The following KCNIP4 variants were observed in gnomAD, a reference collection of about 807,000 sequenced individuals.
KCNIP4 encodes the protein potassium voltage-gated channel interacting protein 4, also known as Kv channel-interacting protein 4.
In KCNIP4, 12 loss-of-function variants were observed where a neutral mutation model predicts 34.0. That is an observed-to-expected ratio of 0.35 (90% CI 0.23 to 0.57). KCNIP4 has a LOEUF of 0.57. Ranked by LOEUF, KCNIP4 falls within the 20% of genes least tolerant of loss-of-function variation. The probability of loss-of-function intolerance (pLI) is 0.83; values close to 1 mark genes in which losing one functional copy is unlikely to be tolerated. For missense variants in KCNIP4, 238 were observed against 311.7 expected (o/e 0.76, Z 1.78); for synonymous variants, 124 against 102.2 (o/e 1.21, Z -1.29).
chr4:21,579,894 T>G (rs1167034589), intron 1 of KCNIP4, among the ~76,000 whole-genome samples: 4 of 152,142 alleles, frequency 2.6e-5, no homozygotes, highest in African/African-American at 9.7e-5. Flanking sequence ...TTTAGCTGAT[T>G]TGGATGCTTT....
intron 1 of KCNIP4, among the ~76,000 whole-genome samples, chr4:21,685,349 G>T (rs973908323): frequency 4.6e-5 from 7 of 152,130 alleles, no homozygotes; most frequent in African/African-American, 1.7e-4. Context: ...CTTGAATTGG[G>T]ATCACTTTAT....
chr4:21,659,103 T>G (rs1748217143), intron 1 of KCNIP4, among the ~76,000 whole-genome samples: 1 of 152,224 alleles, frequency 6.6e-6, no homozygotes. Context: ...GTGCATTTTA[T>G]GGTGTGATAT....
chr4:21,308,380 T>C (rs559779572), intron 1 of KCNIP4, among the ~76,000 whole-genome samples: 1 of 152,320 alleles, frequency 6.6e-6, no homozygotes, highest in African/African-American at 2.4e-5. Flanking sequence ...GCCTAACACA[T>C]AGAATCTTCC....
chr4:21,748,806 T>A (rs1286853465), intron 1 of KCNIP4, among the ~76,000 whole-genome samples: 2 of 152,064 alleles, frequency 1.3e-5, no homozygotes, highest in Non-Finnish European at 1.5e-5. Context: ...TGTTTCTGAT[T>A]GAAAAAAATA....
chr4:20,988,378 T>C lies in KCNIP4; in HGVS notation c.62-105669A>G, dbSNP rs372198260. 4.6e-5 allele frequency among the ~76,000 whole-genome samples: 7 copies of C among 152,336 alleles called. No homozygotes were observed. In the South Asian group the frequency reaches 1.2e-3, roughly 27 times the overall value. ...CAGTCTGTGAAAGAGAGAGGGTCAGTAGACTTTACATTTCCTTGCCCCAAT... is the reference window on the plus strand; with the variant it reads ...CAGTCTGTGAAAGAGAGAGGGTCAGCAGACTTTACATTTCCTTGCCCCAAT... On this transcript the variant is annotated intron_variant, in intron 1 of 8. Coordinates refer to ENST00000382152, the MANE Select transcript of KCNIP4 (RefSeq NM_025221.6).
chr4:21,827,388 G>C (rs576629081), intron 1 of KCNIP4, among the ~76,000 whole-genome samples: 69 of 151,968 alleles, frequency 4.5e-4, no homozygotes, highest in Non-Finnish European at 7.2e-4. Context: ...TACTTCTTGA[G>C]AAATTTCAGT....
intron 1 of KCNIP4, among the ~76,000 whole-genome samples, chr4:21,522,211 AT>A (rs959105738): frequency 6.6e-6 from 1 of 152,080 alleles, no homozygotes; most frequent in African/African-American, 2.4e-5. Context: ...GAGGAGATTC[AT>A]TTAACACTTC....
intron 1 of KCNIP4, among the ~76,000 whole-genome samples, chr4:21,625,419 A>T (rs1390353638): frequency 6.6e-6 from 1 of 152,042 alleles, no homozygotes; most frequent in African/African-American, 2.4e-5. Flanking sequence ...TTGTTATCCT[A>T]ATTGGGGAGT....
At chr4:21,643,470 G>T (rs1478004063) in intron 1 of KCNIP4, among the ~76,000 whole-genome samples, 1 of 152,016 alleles carries the variant, frequency 6.6e-6, no homozygotes, top group African/African-American at 2.4e-5. Context: ...TGAGTGCCAG[G>T]TTTACAAAAA....
At chr4:20,938,438 A>G (rs958620854) in intron 1 of KCNIP4, among the ~76,000 whole-genome samples, 1 of 152,190 alleles carries the variant, frequency 6.6e-6, no homozygotes, top group Non-Finnish European at 1.5e-5. Context: ...ACCAGTCTCC[A>G]TCACTGCTCT....
chr4:21,564,152 C>A (rs181409042), intron 1 of KCNIP4, among the ~76,000 whole-genome samples: 43 of 152,194 alleles, frequency 2.8e-4, no homozygotes, highest in African/African-American at 9.9e-4. Flanking sequence ...CTCTATTATT[C>A]TCTTGTAAAA....
chr4:20,740,208 A>G (rs1042083806), intron 5 of KCNIP4, among the ~76,000 whole-genome samples: 17 of 152,164 alleles, frequency 1.1e-4, no homozygotes, highest in African/African-American at 4.1e-4. Flanking sequence ...AGTCAGGCCA[A>G]CATTCAAATT....
At chr4:21,623,253 T>G (rs1745104129) in intron 1 of KCNIP4, among the ~76,000 whole-genome samples, 1 of 152,228 alleles carries the variant, frequency 6.6e-6, no homozygotes, top group African/African-American at 2.4e-5. Flanking sequence ...GAGTCAAATC[T>G]TATTACTAAA....
intron 1 of KCNIP4, among the ~76,000 whole-genome samples, chr4:21,094,441 C>A (rs905014419): frequency 6.6e-6 from 1 of 152,152 alleles, no homozygotes; most frequent in South Asian, 2.1e-4. Context: ...TAGAAGATTG[C>A]CAGAGATGTG....
chr4:21,892,263 A>T (rs1198006548), intron 1 of KCNIP4, among the ~76,000 whole-genome samples: 1 of 152,084 alleles, frequency 6.6e-6, no homozygotes, highest in Non-Finnish European at 1.5e-5. Flanking sequence ...AGATGTCATG[A>T]TCAACAAACA....
chr4:21,906,562 A>C (rs2108975488), intron 1 of KCNIP4, among the ~76,000 whole-genome samples: 1 of 152,196 alleles, frequency 6.6e-6, no homozygotes, highest in Non-Finnish European at 1.5e-5. Flanking sequence ...GGCTTCCAGA[A>C]CTGTGAGAGA....
At chr4:21,785,169 T>C (rs1203303315) in intron 1 of KCNIP4, among the ~76,000 whole-genome samples, 2 of 152,138 alleles carry the variant, frequency 1.3e-5, no homozygotes, top group Non-Finnish European at 2.9e-5. Flanking sequence ...TGTAGTAGCT[T>C]TATGGACATA....
chr4:21,762,339 TA>T (rs1239262160), intron 1 of KCNIP4, among the ~76,000 whole-genome samples: 1 of 152,192 alleles, frequency 6.6e-6, no homozygotes, highest in Non-Finnish European at 1.5e-5. Flanking sequence ...AGGTGCTCGT[TA>T]GCCATATGTG....
At chr4:21,016,101 C>T (rs907227521) in intron 1 of KCNIP4, among the ~76,000 whole-genome samples, 89 of 150,152 alleles carry the variant, frequency 5.9e-4, no homozygotes, top group African/African-American at 2.0e-3. Flanking sequence ...GCAGCTCTAT[C>T]GTCACCTATG....
Sources: gnomAD v4.1 joint callset for allele counts (sites outside exome capture counted in the v4.1 genomes callset) on GRCh38, gnomAD v4.1.1 for gene constraint, MANE v1.5 for transcripts, NCBI Gene and HGNC (gene_info 2026-07-23, HGNC 2026-07-21) for gene names.